LUZP2: variants seen among roughly 807,000 people sequenced by gnomAD.
The protein encoded by LUZP2 is leucine zipper protein 2.
LUZP2 carries 52 observed loss-of-function variants against 51.6 expected under a neutral mutation model. The observed-to-expected ratio is 1.01, with a 90% confidence interval of 0.81 to 1.27. LUZP2 has a LOEUF of 1.27. LUZP2 is among the 50% of genes most tolerant of loss of function. LUZP2 has a pLI of 0.00. For synonymous variants in LUZP2, 154 were observed against 137.3 expected, an observed-to-expected ratio of 1.12 and a Z score of -0.85; for missense variants, 436 against 395.4, an observed-to-expected ratio of 1.10 and a Z score of -0.87.
At chr11:24,716,161 T>G (rs1264959113) in intron 1 of LUZP2, among the ~76,000 whole-genome samples, 7 of 152,174 alleles carry the variant, frequency 4.6e-5, no homozygotes, top group Non-Finnish European at 8.8e-5. Flanking sequence ...TAAATAATTA[T>G]TTAAAAGTAG....
At chr11:24,563,480 C>T (rs1852121575) in intron 1 of LUZP2, among the ~76,000 whole-genome samples, 8 of 152,100 alleles carry the variant, frequency 5.3e-5, no homozygotes, top group Admixed American at 5.2e-4. Flanking sequence ...AGTATGTTTT[C>T]ATTTCTTCTG....
At chr11:24,586,070 C>T (rs993035074) in intron 1 of LUZP2, among the ~76,000 whole-genome samples, 3 of 152,018 alleles carry the variant, frequency 2.0e-5, no homozygotes, top group African/African-American at 4.8e-5. Context: ...TTTTCTTTCT[C>T]AATTACCATT....
At chr11:24,960,691 A>C (rs1354907765) in intron 7 of LUZP2, among the ~76,000 whole-genome samples, 1 of 152,116 alleles carries the variant, frequency 6.6e-6, no homozygotes, top group East Asian at 1.9e-4. Context: ...GCCTTTCAAA[A>C]AACCAGCTCC....
At chr11:25,007,344 T>A (rs1036916875) in intron 9 of LUZP2, among the ~76,000 whole-genome samples, 4 of 152,210 alleles carry the variant, frequency 2.6e-5, no homozygotes, top group Non-Finnish European at 4.4e-5. Flanking sequence ...GGCTCACACC[T>A]GTAATCCTAG....
chr11:24,894,231 A>G (rs1486263127), intron 5 of LUZP2, among the ~76,000 whole-genome samples: 1 of 149,228 alleles, frequency 6.7e-6, no homozygotes, highest in Non-Finnish European at 1.5e-5. Flanking sequence ...CTGGAGTGCA[A>G]TGACATGGTC....
At chr11:24,902,349 G>T (rs1853305579) in intron 5 of LUZP2, among the ~76,000 whole-genome samples, 1 of 152,046 alleles carries the variant, frequency 6.6e-6, no homozygotes, top group Non-Finnish European at 1.5e-5. Context: ...AGTGTCTGTT[G>T]TTCCCCTCTT....
chr11:24,741,300 G>A (rs1175860878), intron 4 of LUZP2, among the ~76,000 whole-genome samples: 1 of 151,962 alleles, frequency 6.6e-6, no homozygotes, highest in Non-Finnish European at 1.5e-5. Flanking sequence ...GTGATCAGGG[G>A]CAACACAGTG....
chr11:25,001,950 G>A (rs1294098344), intron 9 of LUZP2, among the ~76,000 whole-genome samples: 1 of 151,922 alleles, frequency 6.6e-6, no homozygotes, highest in Non-Finnish European at 1.5e-5. Flanking sequence ...TGATGGCTTT[G>A]GCAGTGTAAG....
intron 5 of LUZP2, among the ~76,000 whole-genome samples, chr11:24,774,228 A>G (rs191970719): frequency 2.4e-3 from 360 of 150,864 alleles, no homozygotes; most frequent in Middle Eastern, 0.01. Context: ...TAGACTTCAA[A>G]TTCTTCAGCT....
intron 1 of LUZP2, among the ~76,000 whole-genome samples, chr11:24,688,333 T>C (rs1302113330): frequency 6.6e-6 from 1 of 152,134 alleles, no homozygotes; most frequent in East Asian, 1.9e-4. Flanking sequence ...CCCAATACTA[T>C]GTAGCTAGAG....
chr11:25,058,519 C>G (rs1003442228), intron 10 of LUZP2, among the ~76,000 whole-genome samples: 3 of 152,196 alleles, frequency 2.0e-5, no homozygotes, highest in African/African-American at 7.2e-5. Flanking sequence ...ACTTCCTTCT[C>G]TGGGTTTCCA....
At chr11:24,583,182 T>A (rs1490335403) in intron 1 of LUZP2, among the ~76,000 whole-genome samples, 1 of 152,172 alleles carries the variant, frequency 6.6e-6, no homozygotes, top group African/African-American at 2.4e-5. Context: ...TCATTATATG[T>A]AATATACATG....
chr11:24,908,519 C>T (rs148801047), intron 6 of LUZP2, among the ~76,000 whole-genome samples: 1 of 152,248 alleles, frequency 6.6e-6, no homozygotes, highest in East Asian at 1.9e-4. Flanking sequence ...GACTCACAGT[C>T]ACCAACATCT....
intron 5 of LUZP2, among the ~76,000 whole-genome samples, chr11:24,872,524 C>T (rs1852114988): frequency 6.6e-6 from 1 of 152,074 alleles, no homozygotes; most frequent in Non-Finnish European, 1.5e-5. Context: ...ATGTTAATTA[C>T]CTATCACTTC....
chr11:24,996,110 A>T lies in LUZP2; in HGVS notation c.765+12817A>T, dbSNP rs75344124. Among the ~76,000 whole-genome samples, 1,223 of 151,482 alleles carry T rather than the reference A, an allele frequency of 8.1e-3. 35 individuals carry two copies. In the East Asian group the frequency reaches 0.098, roughly 12 times the overall value. On this transcript the variant is annotated intron_variant, in intron 9 of 11. Transcript: ENST00000336930. ...TATTATCTATTATAATATATTTAAC[A>T]ACAAATTGTGTATCTGAGTTTTTTT...
intron 9 of LUZP2, among the ~76,000 whole-genome samples, chr11:24,984,654 A>G (rs1856142125): frequency 6.7e-6 from 1 of 149,992 alleles, no homozygotes; most frequent in Admixed American, 6.7e-5. Context: ...TACCCCCACC[A>G]TTTAAATTTA....
At chr11:24,821,495 G>A (rs1304609026) in intron 5 of LUZP2, among the ~76,000 whole-genome samples, 1 of 152,042 alleles carries the variant, frequency 6.6e-6, no homozygotes, top group African/African-American at 2.4e-5. Flanking sequence ...AGCTGATACT[G>A]AGCTTTATAT....
chr11:24,584,311 T>C (rs1043302243), intron 1 of LUZP2, among the ~76,000 whole-genome samples: 1 of 152,160 alleles, frequency 6.6e-6, no homozygotes, highest in Admixed American at 6.6e-5. Flanking sequence ...CTCAATCACT[T>C]AGTAGCCTAA....
chr11:24,507,626 C>A (rs1200124511), intron 1 of LUZP2, among the ~76,000 whole-genome samples: 1 of 151,934 alleles, frequency 6.6e-6, no homozygotes, highest in Non-Finnish European at 1.5e-5. Flanking sequence ...TCACACTTAA[C>A]TTTCTCTCCC....
Sources: allele counts gnomAD v4.1 joint callset (sites outside exome capture counted in the v4.1 genomes callset), GRCh38; gene constraint gnomAD v4.1.1; transcripts MANE v1.5; gene names NCBI Gene and HGNC (gene_info 2026-07-23, HGNC 2026-07-21).